AVPI1: variants seen among roughly 807,000 people sequenced by gnomAD.
The protein encoded by AVPI1 is arginine vasopressin induced 1.
Under a neutral mutation model 11.9 loss-of-function variants are expected in AVPI1, and 9 were observed. The ratio of observed to expected loss-of-function variants is 0.76; its 90% CI spans 0.46 to 1.32. The LOEUF (loss-of-function observed/expected upper bound fraction) is 1.32, where lower values mean the gene tolerates loss of function less well. Ranked by LOEUF, AVPI1 falls within the 40% of genes most tolerant of loss-of-function variation. AVPI1 has a pLI of 0.00. For synonymous variants in AVPI1, 68 were observed against 78.1 expected, an observed-to-expected ratio of 0.87 and a Z score of 0.68; for missense variants, 207 against 195.8, an observed-to-expected ratio of 1.06 and a Z score of -0.34.
intron 1 of AVPI1, 47 bp from the exon 2 acceptor site, chr10:97,679,962 C>T (rs2041696098): frequency 1.4e-6 from 2 of 1,470,154 alleles, no homozygotes; most frequent in Non-Finnish European, 1.8e-6. Context: ...CTGGTCCTTC[C>T]CAGACCTGGG....
rs78694894 is a variant in AVPI1 at position 97,677,894 on chromosome 10, C to G, written c.419G>C (p.Ser140Thr). 2.5e-3 allele frequency: 3,961 copies of G among 1,614,172 alleles called. 87 individuals carry two copies. The African/African-American group carries it at 0.047, about 19-fold the overall frequency. ...RRNWRKSGPT[S>T]YLHQIRH ...TCAGTGTCTGATCTGGTGGAGGTAG[C>G]TTGTGGGGCCTGACTTCCTCCAGTT... is the stretch of plus-strand genomic sequence containing the variant. The change falls in exon 3 of 3, where the codon AGC (serine) becomes ACC (threonine). Residue 140 changes from serine to threonine, a missense_variant. Coordinates refer to ENST00000370626, the MANE Select transcript of AVPI1 (RefSeq NM_021732.3).
At position 97,679,830 on chromosome 10, in the gene AVPI1, C is replaced by G; in HGVS notation, c.76G>C (p.Ala26Pro). The G allele has an allele frequency of 6.2e-7, 1 of 1,610,294 alleles. No individual in the cohort carries two copies. Among genetic ancestry groups the G allele is most frequent in the Non-Finnish European group, 8.5e-7 (1 of 1,178,948 alleles). Reference sequence around the variant, plus strand: ...GCGTCCTGGAAGATGTTGGCCGAGGCCTGCTTGCGGCCCCGGGCCTCAATC... The same window carrying G: ...GCGTCCTGGAAGATGTTGGCCGAGGGCTGCTTGCGGCCCCGGGCCTCAATC... The part of the protein sequence containing the change: ...APIEARGRKQ[A>P]SANIFQDAEL... The change falls in exon 2 of 3, where the codon GCC (alanine) becomes CCC (proline). Residue 26 changes from alanine (A) to proline (P), a missense_variant. By Grantham distance (27) the Ala-to-Pro change is conservative (BLOSUM62 -1). Coordinates refer to ENST00000370626, the MANE Select transcript of AVPI1 (RefSeq NM_021732.3).
At chr10:97,678,455 C>T (rs768174800) in intron 2 of AVPI1, among the ~76,000 whole-genome samples, 9 of 152,272 alleles carry the variant, frequency 5.9e-5, no homozygotes, top group African/African-American at 2.2e-4. Context: ...AGAGATGAAG[C>T]CCAGAGCATC....
Position 97,677,976 on chromosome 10 carries a change from TCTCTGTGGCA to T in AVPI1, c.327_336del (p.Ser109ArgfsTer57). ...TGCAGATACTGCTCACTGGAGGCTGTCTCTGTGGCACTCTGTGGGTTGGCCAGTGCAGAGT... is the reference window on the plus strand; with the variant it reads ...TGCAGATACTGCTCACTGGAGGCTGTCTCTGTGGGTTGGCCAGTGCAGAGT... On this transcript the variant is annotated frameshift_variant, in exon 3 of 3. Transcript: ENST00000370626. LOFTEE classifies it high-confidence loss of function. 3 of 1,614,184 alleles carry T rather than the reference TCTCTGTGGCA, an allele frequency of 1.9e-6. No individual in the cohort carries two copies. The highest frequency in any genetic ancestry group is 1.7e-6 in the Non-Finnish European group (2 of 1,180,026).
Position 97,684,845 on chromosome 10 carries a change from G to T in AVPI1, c.-11+1921C>A, listed in dbSNP as rs918497159. Among the ~76,000 whole-genome samples the T allele has an allele frequency of 3.9e-5, 6 of 152,324 alleles. No homozygotes were observed. The East Asian group carries it at 9.6e-4, about 24-fold the overall frequency. On this transcript the variant is annotated intron_variant, in intron 1 of 2. Coordinates refer to ENST00000370626, the MANE Select transcript of AVPI1 (RefSeq NM_021732.3). ...TGTCTCTTATTCTGGGATTCAGACA[G>T]CAGAGTGAGGCTGGGAATAAAACTA...
intron 1 of AVPI1, among the ~76,000 whole-genome samples, chr10:97,680,215 A>G (rs2041697112): frequency 6.6e-6 from 1 of 152,232 alleles, no homozygotes; most frequent in South Asian, 2.1e-4. Flanking sequence ...ATGCAGAGCC[A>G]GCAGTTGAAC....
chr10:97,678,926 TGTGTGTGTGTGTGTGTGTGTG>T (rs2041684097), intron 2 of AVPI1, among the ~76,000 whole-genome samples: 1 of 18,730 alleles, frequency 5.3e-5, no homozygotes, highest in African/African-American at 1.9e-4. Context: ...TGTGTGTGTG[TGTGTGTGTGTGTGTGTGTGTG>T]TGTGTGTGTG....
rs969371891 is a variant in AVPI1, at chr10:97,679,609, A to G, written c.287+10T>C. 4 of 1,604,280 alleles carry G rather than the reference A, an allele frequency of 2.5e-6. No homozygotes were observed. The highest frequency in any genetic ancestry group is 3.4e-6 in the Non-Finnish European group (4 of 1,174,416). On this transcript the variant is annotated intron_variant, in intron 2 of 2. Coordinates refer to ENST00000370626, the MANE Select transcript of AVPI1 (RefSeq NM_021732.3). ...GCTCTTCCCTCAGCCATCCGGTTCT[A>G]GGAACCTACCTGAGGCGGCTGCAGT...
chr10:97,678,043 A>G lies in AVPI1; in HGVS notation c.288-18T>C, dbSNP rs764939476. ...CCAGGATTCTGCAGAGAACAAGTGT[A>G]TGATTAGCCAACATCAATAGGAAGA... On this transcript the variant is annotated intron_variant, in intron 2 of 2. Transcript: ENST00000370626. The G allele has an allele frequency of 2.5e-6, 4 of 1,606,130 alleles. No individual in the cohort carries two copies. Among genetic ancestry groups the G allele is most frequent in the Non-Finnish European group, 3.4e-6 (4 of 1,174,416 alleles).
chr10:97,679,950 A>T, intron 1 of AVPI1, 35 bp from the exon 2 acceptor site: 1 of 1,491,538 alleles, frequency 6.7e-7, no homozygotes, highest in Non-Finnish European at 8.9e-7. Flanking sequence ...TCATCAACTC[A>T]GCTGGTCCTT....
At chr10:97,681,485 G>A (rs2041703472) in intron 1 of AVPI1, among the ~76,000 whole-genome samples, 4 of 151,990 alleles carry the variant, frequency 2.6e-5, no homozygotes, top group Admixed American at 2.6e-4. Flanking sequence ...GGGAGGCTGA[G>A]GCAGGAGAAT....
In AVPI1 at chr10:97,677,800, C is replaced by T; in HGVS notation, c.*69G>A. 6.3e-7 allele frequency: 1 copy of T among 1,582,672 alleles called. No homozygotes were observed. On this transcript the variant is annotated 3_prime_UTR_variant, in exon 3 of 3. Transcript: ENST00000370626. ...CCTTTGGGCTGCTTGCCTAAAGTCT[C>T]TCTTCCTTCACCTCCCCAGGCCTTT...
At position 97,687,208 on chromosome 10, in the gene AVPI1, C is replaced by T. The variant is rs1019294485; in HGVS notation, c.-453G>A. On this transcript the variant is annotated 5_prime_UTR_variant, in exon 1 of 3. Transcript: ENST00000370626. ...TCCCGGGAGAAAGCGCTCCCTAGCC[C>T]CGGAACAGCCAATCCTCGGCCCTAG... 3.3e-5 allele frequency: 5 copies of T among 152,426 alleles called. No homozygotes were observed. The highest frequency in any genetic ancestry group is 1.2e-4 in the African/African-American group (5 of 41,460). 9.4% of individuals were successfully genotyped at this position (152,426 alleles called of 1,614,324 possible). A position where few individuals can be genotyped will look rare whatever the true frequency, so the allele number is the denominator to read the frequency against.
At chr10:97,679,967 C>T (rs2151931) in intron 1 of AVPI1, 52 bp from the exon 2 acceptor site, 613,737 of 1,449,510 alleles carry the variant, frequency 0.42, 132,884 homozygotes, top group African/African-American at 0.66. Context: ...CCTTCCCAGA[C>T]CTGGGGGTCC....
At position 97,687,118 on chromosome 10, in the gene AVPI1, G is replaced by C. The variant is rs1369259369; in HGVS notation, c.-363C>G. The C allele has an allele frequency of 2.0e-5, 3 of 152,328 alleles. No individual in the cohort carries two copies. Among genetic ancestry groups the C allele is most frequent in the African/African-American group, 7.2e-5 (3 of 41,466 alleles). The allele number at this position is 152,328 out of a possible 1,614,324, so 9.4% of individuals were successfully genotyped here. ...AGCTGGGCCGCCGACCTACGTACCT[G>C]GTTGCTTGAGGCAGGCCGCACGCAG... is the stretch of plus-strand genomic sequence containing the variant. On this transcript the variant is annotated 5_prime_UTR_variant, in exon 1 of 3. Transcript: ENST00000370626.
intron 1 of AVPI1, among the ~76,000 whole-genome samples, chr10:97,680,869 T>C: frequency 6.6e-6 from 1 of 152,314 alleles, no homozygotes; most frequent in South Asian, 2.1e-4. Context: ...AGGGTTAGAA[T>C]ATACTGTCAA....
In AVPI1 at chr10:97,677,759, C is replaced by T. The variant is rs909739228; in HGVS notation, c.*110G>A. On this transcript the variant is annotated 3_prime_UTR_variant, in exon 3 of 3. Coordinates refer to ENST00000370626, the MANE Select transcript of AVPI1 (RefSeq NM_021732.3). ...TGGAGCAGGTCAGTGGCAGCAGCCTCTTGCTTTCATTTACCCCTTTGGGCT... is the reference window on the plus strand; with the variant it reads ...TGGAGCAGGTCAGTGGCAGCAGCCTTTTGCTTTCATTTACCCCTTTGGGCT... 7.4e-7 allele frequency: 1 copy of T among 1,348,702 alleles called. No homozygotes were observed. The highest frequency in any genetic ancestry group is 1.0e-6 in the Non-Finnish European group (1 of 979,574). 83.5% of individuals were successfully genotyped at this position (1,348,702 alleles called of 1,614,324 possible).
chr10:97,684,378 C>T (rs2041718765), intron 1 of AVPI1, among the ~76,000 whole-genome samples: 1 of 152,028 alleles, frequency 6.6e-6, no homozygotes, highest in South Asian at 2.1e-4. Context: ...CAGCGAGCTG[C>T]GAGTCACAAA....
chr10:97,682,912 ACT>A (rs1311914191), intron 1 of AVPI1, among the ~76,000 whole-genome samples: 1 of 152,258 alleles, frequency 6.6e-6, no homozygotes, highest in Non-Finnish European at 1.5e-5. Context: ...ACATAAACAC[ACT>A]GTGACAAGAA....
Sources: allele counts gnomAD v4.1 joint callset (sites outside exome capture counted in the v4.1 genomes callset), GRCh38; gene constraint gnomAD v4.1.1; transcripts MANE v1.5; gene names NCBI Gene and HGNC (gene_info 2026-07-23, HGNC 2026-07-21).